Variants in RORA observed in about 807,000 individuals in gnomAD.
The protein encoded by RORA is RAR related orphan receptor A.
In RORA, 7 loss-of-function variants were observed where a neutral mutation model predicts 69.5. That is an observed-to-expected ratio of 0.10 (90% CI 0.06 to 0.19). The LOEUF is 0.19. Among genes scored for constraint, RORA ranks in the 10% least tolerant of loss-of-function variants. The pLI, the probability that RORA is intolerant of heterozygous loss-of-function variation, is 1.00. For synonymous variants in RORA, 261 were observed against 240.8 expected, an observed-to-expected ratio of 1.08 and a Z score of -0.78; for missense variants, 457 against 663.0, an observed-to-expected ratio of 0.69 and a Z score of 3.41.
chr15:61,152,963 G>C (rs757477512), intron 1 of RORA, among the ~76,000 whole-genome samples: 12 of 152,306 alleles, frequency 7.9e-5, no homozygotes, highest in Admixed American at 3.9e-4. Context: ...ACAGAGGGGT[G>C]ATCAATGTTC....
chr15:60,525,483 C>A (rs1160739530), intron 3 of RORA, among the ~76,000 whole-genome samples: 9 of 152,214 alleles, frequency 5.9e-5, no homozygotes, highest in Non-Finnish European at 8.8e-5. Context: ...TACCCACTTC[C>A]ACTTCTGTAT....
chr15:61,171,876 T>G (rs932424913), intron 1 of RORA, among the ~76,000 whole-genome samples: 66 of 152,194 alleles, frequency 4.3e-4, no homozygotes, highest in Non-Finnish European at 4.4e-5. Context: ...CAAAGGTTCT[T>G]TGGGACACCG....
intron 1 of RORA, among the ~76,000 whole-genome samples, chr15:60,994,744 G>C (rs896064060): frequency 6.6e-6 from 1 of 152,220 alleles, no homozygotes; most frequent in Non-Finnish European, 1.5e-5. Flanking sequence ...ATTGAAACCA[G>C]AATGAAGACA....
At chr15:60,981,834 C>CA (rs372287083) in intron 1 of RORA, among the ~76,000 whole-genome samples, 1 of 147,588 alleles carries the variant, frequency 6.8e-6, no homozygotes, top group Non-Finnish European at 1.5e-5. Context: ...CTGTTGATTG[C>CA]TTTTTTTTTT....
chr15:60,984,560 A>G (rs1366345987), intron 1 of RORA, among the ~76,000 whole-genome samples: 1 of 152,136 alleles, frequency 6.6e-6, no homozygotes, highest in Non-Finnish European at 1.5e-5. Context: ...TACACAATAT[A>G]GGAGGTAACA....
rs528797588 is a variant in RORA at position 60,860,562 on chromosome 15, A to G, written c.167-181876T>C. On this transcript the variant is annotated intron_variant, in intron 1 of 10. Coordinates refer to ENST00000335670, the MANE Select transcript of RORA (RefSeq NM_134261.3). ...GAACACAACAGCCTAAGCAAAGCCT[A>G]TATAAAACATCAACCCACGGTCATG... Among the ~76,000 whole-genome samples, 3 of 152,332 alleles carry G rather than the reference A, an allele frequency of 2.0e-5. No homozygotes were observed. The South Asian group carries it at 6.2e-4, about 32-fold the overall frequency.
chr15:61,040,648 T>C (rs1383095636), intron 1 of RORA, among the ~76,000 whole-genome samples: 1 of 152,158 alleles, frequency 6.6e-6, no homozygotes, highest in Non-Finnish European at 1.5e-5. Context: ...GTTCTTTTTT[T>C]GCCATTTCAT....
chr15:60,698,448 C>G (rs1300892779), intron 1 of RORA, among the ~76,000 whole-genome samples: 3 of 152,022 alleles, frequency 2.0e-5, no homozygotes, highest in Non-Finnish European at 2.9e-5. Context: ...ACTGAAAATA[C>G]TATATATTCA....
intron 5 of RORA, among the ~76,000 whole-genome samples, chr15:60,509,936 G>T (rs2065641504): frequency 6.6e-6 from 1 of 152,176 alleles, no homozygotes; most frequent in South Asian, 2.1e-4. Flanking sequence ...TGCTCTTGAG[G>T]ATTTAAATTT....
At chr15:60,897,646 A>G (rs765333581) in intron 1 of RORA, among the ~76,000 whole-genome samples, 4 of 152,210 alleles carry the variant, frequency 2.6e-5, no homozygotes, top group South Asian at 2.1e-4. Flanking sequence ...TGAGCCCCCA[A>G]ATTGAAGCCT....
chr15:60,679,822 C>T (rs1274347230), intron 1 of RORA, among the ~76,000 whole-genome samples: 1 of 152,198 alleles, frequency 6.6e-6, no homozygotes, highest in African/African-American at 2.4e-5. Context: ...CTCCCCCCAA[C>T]ACTTTCCAAA....
chr15:60,727,110 A>C (rs1216440751), intron 1 of RORA, among the ~76,000 whole-genome samples: 1 of 152,206 alleles, frequency 6.6e-6, no homozygotes, highest in Non-Finnish European at 1.5e-5. Flanking sequence ...GTTCATAACC[A>C]AAAAGACAAA....
At position 60,670,214 on chromosome 15, in the gene RORA, C is replaced by CT. The variant is rs1168237283; in HGVS notation, c.196+8442dup. On this transcript the variant is annotated intron_variant, in intron 2 of 10. Coordinates refer to ENST00000335670, the MANE Select transcript of RORA (RefSeq NM_134261.3). ...TATATCCTACCTCTTTTTTTTTTTT[C>CT]TTTTTTTTTTTTTGAGATGGAGTCC... is the stretch of plus-strand genomic sequence containing the variant. 6.4e-3 allele frequency among the ~76,000 whole-genome samples: 432 copies of CT among 67,462 alleles called. 1 individual carries two copies. Among genetic ancestry groups the CT allele is most frequent in the African/African-American group, 0.022 (389 of 17,570 alleles). 44.3% of individuals were successfully genotyped at this position (67,462 alleles called of 152,430 possible). A position where few individuals can be genotyped will look rare whatever the true frequency, so the allele number is the denominator to read the frequency against.
At chr15:60,540,576 C>G (rs966790007) in intron 2 of RORA, among the ~76,000 whole-genome samples, 4,014 of 115,444 alleles carry the variant, frequency 0.035, 540 homozygotes, top group African/African-American at 0.11. Flanking sequence ...CCCCCCCCCC[C>G]AAAACTGTGC....
chr15:60,861,922 CA>C (rs2073439006), intron 1 of RORA, among the ~76,000 whole-genome samples: 2 of 152,178 alleles, frequency 1.3e-5, no homozygotes, highest in African/African-American at 4.8e-5. Flanking sequence ...GGGCTCTCCT[CA>C]ATAGGTATAT....
At position 60,929,484 on chromosome 15, in the gene RORA, T is replaced by A. The variant is rs1024304011; in HGVS notation, c.167-250798A>T. Among the ~76,000 whole-genome samples the A allele has an allele frequency of 9.2e-5, 14 of 152,172 alleles. 1 individual carries two copies. The highest frequency in any genetic ancestry group is 3.4e-4 in the African/African-American group (14 of 41,442). ...AACGAGGTTATTTCCATCCTCCTGG[T>A]TCTGCAAAAGGCGAGAAGGAGATAA... On this transcript the variant is annotated intron_variant, in intron 1 of 10. Coordinates refer to ENST00000335670, the MANE Select transcript of RORA (RefSeq NM_134261.3).
In RORA at chr15:61,116,672, C is replaced by T. The variant is rs708684; in HGVS notation, c.166+112381G>A. On this transcript the variant is annotated intron_variant, in intron 1 of 10. Coordinates refer to ENST00000335670, the MANE Select transcript of RORA (RefSeq NM_134261.3). ...AGCAAAGACTGAAAACATTGACGAG[C>T]TTTCCTCAGGCTCTGAGAGAGGTGA... is the stretch of plus-strand genomic sequence containing the variant. Among the ~76,000 whole-genome samples the T allele has an allele frequency of 3.3e-5, 5 of 152,060 alleles. No homozygotes were observed. In the South Asian group the frequency reaches 1.0e-3, roughly 32 times the overall value.
At chr15:61,037,086 C>T (rs1896495673) in intron 1 of RORA, among the ~76,000 whole-genome samples, 1 of 152,168 alleles carries the variant, frequency 6.6e-6, no homozygotes, top group Admixed American at 6.5e-5. Context: ...CAAATCCTAG[C>T]TCCTCTACTT....
chr15:60,881,316 T>A (rs2140447399), intron 1 of RORA, among the ~76,000 whole-genome samples: 1 of 152,282 alleles, frequency 6.6e-6, no homozygotes, highest in African/African-American at 2.4e-5. Context: ...AGAGAGACCC[T>A]CATCAGGCCA....
Sources: gnomAD v4.1 joint callset for allele counts (sites outside exome capture counted in the v4.1 genomes callset) on GRCh38, gnomAD v4.1.1 for gene constraint, MANE v1.5 for transcripts, NCBI Gene and HGNC (gene_info 2026-07-23, HGNC 2026-07-21) for gene names.